Variants in FAM120AOS observed in about 807,000 individuals in gnomAD.
The protein encoded by FAM120AOS is uncharacterized protein FAM120AOS.
A neutral mutation model predicts 20.2 loss-of-function variants in FAM120AOS; 15 were observed. The ratio of observed to expected loss-of-function variants is 0.74; its 90% CI spans 0.50 to 1.15. FAM120AOS has a LOEUF of 1.15. Among genes scored for constraint, FAM120AOS ranks in the 50% most tolerant of loss-of-function variants. The pLI, the probability that FAM120AOS is intolerant of heterozygous loss-of-function variation, is 0.00. For missense variants in FAM120AOS, 327 were observed against 351.9 expected (o/e 0.93, Z 0.57); for synonymous variants, 154 against 154.0 (o/e 1.00, Z 0.00).
intron 2 of FAM120AOS, among the ~76,000 whole-genome samples, chr9:93,450,023 T>C (rs561730540): frequency 1.3e-4 from 20 of 152,258 alleles, no homozygotes; most frequent in Admixed American, 1.1e-3. Flanking sequence ...TCTCGCTTTT[T>C]GCCCAGGCTA....
At position 93,446,022 on chromosome 9, in the gene FAM120AOS, TACC is replaced by T. The variant is rs143093972; in HGVS notation, c.*1586_*1588del. Reference sequence around the variant, plus strand: ...TCCCAGATTGGGCCAACTCTCCTTATACCACCACACCTGGGACCTGGGAGGAAT... The same window carrying T: ...TCCCAGATTGGGCCAACTCTCCTTATACCACACCTGGGACCTGGGAGGAAT... On this transcript the variant is annotated 3_prime_UTR_variant, in exon 3 of 3. Coordinates refer to ENST00000375412, the MANE Select transcript of FAM120AOS (RefSeq NM_198841.4). Among the ~76,000 whole-genome samples, 5,633 of 152,238 alleles carry T rather than the reference TACC, an allele frequency of 0.037. 171 individuals are homozygous for T. Among genetic ancestry groups the T allele is most frequent in the Non-Finnish European group, 0.063 (4,293 of 67,998 alleles).
chr9:93,447,697 TCTG>T lies in FAM120AOS; in HGVS notation c.685-3_685-1del. On this transcript the variant is annotated splice_acceptor_variant and splice_polypyrimidine_tract_variant and intron_variant, in intron 2 of 2. Transcript: ENST00000375412. LOFTEE classifies it high-confidence loss of function. ...TTATTGACAGAACAGCTTCTGGAAATCTGAAAAGAAAAAAAAAAAGGTAGTTTA... is the reference window on the plus strand; with the variant it reads ...TTATTGACAGAACAGCTTCTGGAAATAAAAGAAAAAAAAAAAGGTAGTTTA... 6.2e-7 allele frequency: 1 copy of T among 1,602,132 alleles called. No individual in the cohort carries two copies.
chr9:93,450,742 A>G, intron 1 of FAM120AOS, 143 bp from the exon 2 acceptor site: 1 of 1,282,460 alleles, frequency 7.8e-7, no homozygotes, highest in Non-Finnish European at 1.1e-6. Flanking sequence ...ATATACATAC[A>G]GTATCAACCT....
chr9:93,448,883 A>G (rs1856962752), intron 2 of FAM120AOS, among the ~76,000 whole-genome samples: 1 of 152,022 alleles, frequency 6.6e-6, no homozygotes, highest in Non-Finnish European at 1.5e-5. Flanking sequence ...TCAGCCTCCC[A>G]AAGTGCTGGG....
chr9:93,451,866 C>G (rs985677647), intron 1 of FAM120AOS: 7 of 1,074,658 alleles, frequency 6.5e-6, no homozygotes, highest in Non-Finnish European at 7.9e-6. Context: ...CCACCACCCC[C>G]GGCCCCGCCG....
At chr9:93,449,645 G>A (rs1428837763) in intron 2 of FAM120AOS, among the ~76,000 whole-genome samples, 1 of 151,436 alleles carries the variant, frequency 6.6e-6, no homozygotes, top group Admixed American at 6.6e-5. Flanking sequence ...GCACCACCAC[G>A]CTCGGCTAAT....
intron 1 of FAM120AOS, chr9:93,451,699 G>GGCGGCA: frequency 1.0e-6 from 1 of 978,324 alleles, no homozygotes; most frequent in Non-Finnish European, 1.2e-6. Flanking sequence ...GCCTCGCAGC[G>GGCGGCA]GCGGCAGCGG....
In FAM120AOS at chr9:93,452,397, C is replaced by T. The variant is rs372272292; in HGVS notation, c.313G>A (p.Gly105Ser). The T allele has an allele frequency of 1.0e-5, 16 of 1,599,582 alleles. No individual in the cohort carries two copies. In the African/African-American group the frequency reaches 1.7e-4, roughly 17 times the overall value. The change falls in exon 1 of 3, where the codon GGC becomes AGC. Residue 105 changes from glycine to serine, a missense_variant. Coordinates refer to ENST00000375412, the MANE Select transcript of FAM120AOS (RefSeq NM_198841.4). The surrounding 1 kb of genome is among the most constrained non-coding windows in gnomAD (Gnocchi z 7.0). ...ATCCGCTTCCACGTCAAGGTGAGGC[C>T]GGGGATCCGGGCGGGCCGGGGACCG... The part of the protein sequence containing the change: ...GPGPRPARIP[G>S]LTLTWKRMSA...
intron 2 of FAM120AOS, chr9:93,448,420 G>T: frequency 5.0e-6 from 1 of 199,296 alleles, no homozygotes; most frequent in South Asian, 6.1e-5. Flanking sequence ...TTGAACCTGG[G>T]AGAGGGAGGT....
chr9:93,450,885 G>T, intron 1 of FAM120AOS: 1 of 959,738 alleles, frequency 1.0e-6, no homozygotes, highest in Non-Finnish European at 1.6e-6. Context: ...CTGCAAAGGC[G>T]CACGTTTCAG....
In FAM120AOS at chr9:93,450,570, C is replaced by T; in HGVS notation, c.593G>A (p.Arg198Gln). 6.2e-7 allele frequency: 1 copy of T among 1,606,244 alleles called. No homozygotes were observed. The highest frequency in any genetic ancestry group is 8.5e-7 in the Non-Finnish European group (1 of 1,176,050). ...CAGCAGCTGTCCGGCCACAGCCTGT[C>T]GGTTGCATCCTGCTCCTCTACAGAG... ...RNLCRGAGCN[R>Q]QAVAGQLLPS... is the part of the protein sequence containing the mutation. The change falls in exon 2 of 3, where the codon CGA (arginine) becomes CAA (glutamine). Residue 198 changes from arginine to glutamine, a missense_variant. Arg to Gln is a conservative substitution (Grantham distance 43). Coordinates refer to ENST00000375412, the MANE Select transcript of FAM120AOS (RefSeq NM_198841.4).
chr9:93,450,960 A>C, intron 1 of FAM120AOS: 1 of 1,412,012 alleles, frequency 7.1e-7, no homozygotes, highest in East Asian at 2.5e-5. Flanking sequence ...CTCTCAAGAC[A>C]GTCTCTTCCG....
In FAM120AOS at chr9:93,447,646, G is replaced by A; in HGVS notation, c.736C>T (p.Pro246Ser). 1.2e-6 allele frequency: 2 copies of A among 1,613,884 alleles called. No homozygotes were observed. The highest frequency in any genetic ancestry group is 1.7e-6 in the Non-Finnish European group (2 of 1,179,922). ...CTCAAGAATGATCTTAGTGTTGGTGGTTTTGTGGTTTTCTTTGAGACTTTG... is the reference window on the plus strand; with the variant it reads ...CTCAAGAATGATCTTAGTGTTGGTGATTTTGTGGTTTTCTTTGAGACTTTG... ...NNKVSKKTTKPPTLRSFLSPI is the reference protein window; with the variant it reads ...NNKVSKKTTKSPTLRSFLSPI Residue 246 changes from proline to serine, a missense_variant, in exon 3 of 3, where the codon CCA becomes TCA. Physicochemically the swap from Pro to Ser is moderately conservative, Grantham distance 74. Coordinates refer to ENST00000375412, the MANE Select transcript of FAM120AOS (RefSeq NM_198841.4).
rs1339093940 is a variant in FAM120AOS at position 93,452,244 on chromosome 9, A to G, written c.466T>C (p.Leu156=). The change falls in exon 1 of 3, where the codon TTG becomes CTG. Residue 156 remains leucine, a synonymous_variant. Transcript: ENST00000375412. This position sits in a 1 kb window ranked among gnomAD's most constrained non-coding sequence, Gnocchi z 7.0. Reference sequence around the variant, plus strand: ...AAGGCCCGGCTGCACGAGTGGGTCAAGCGGCAGGGCAACGAGCGCCAGACG... The same window carrying G: ...AAGGCCCGGCTGCACGAGTGGGTCAGGCGGCAGGGCAACGAGCGCCAGACG... The part of the protein sequence containing the change: ...CAVWRSLPCR[L]THSCSRAFSS... 6.2e-7 allele frequency: 1 copy of G among 1,611,128 alleles called. No homozygotes were observed. The highest frequency in any genetic ancestry group is 1.3e-5 in the African/African-American group (1 of 75,000).
rs1029663373 is a variant in FAM120AOS, at chr9:93,451,773, G to T, written c.563+374C>A. ...GGCGGCAGCACATGGCGGCCGCGGC[G>T]GCCATGAGCGCGCCCCCGACCCGCC... is the stretch of plus-strand genomic sequence containing the variant. On this transcript the variant is annotated intron_variant, in intron 1 of 2. Coordinates refer to ENST00000375412, the MANE Select transcript of FAM120AOS (RefSeq NM_198841.4). 5.1e-6 allele frequency: 5 copies of T among 980,112 alleles called. No homozygotes were observed. In the African/African-American group the frequency reaches 8.9e-5, roughly 18 times the overall value. 60.7% of individuals were successfully genotyped at this position (980,112 alleles called of 1,614,324 possible). A position where few individuals can be genotyped will look rare whatever the true frequency, so the allele number is the denominator to read the frequency against.
At chr9:93,448,704 G>C (rs902242819) in intron 2 of FAM120AOS, among the ~76,000 whole-genome samples, 1 of 151,900 alleles carries the variant, frequency 6.6e-6, no homozygotes, top group Non-Finnish European at 1.5e-5. Context: ...TGCAAGCTCC[G>C]CCTCCTGGGT....
In FAM120AOS at chr9:93,446,052, G is replaced by A. The variant is rs896092083; in HGVS notation, c.*1559C>T. Among the ~76,000 whole-genome samples, 1 of 152,236 alleles carries A rather than the reference G, an allele frequency of 6.6e-6. No homozygotes were observed. Among genetic ancestry groups the A allele is most frequent in the Admixed American group, 6.5e-5 (1 of 15,294 alleles). ...CCACACCTGGGACCTGGGAGGAATG[G>A]GGAAGGGGACTTTATAGGGCAGAGC... On this transcript the variant is annotated 3_prime_UTR_variant, in exon 3 of 3. Transcript: ENST00000375412.
intron 1 of FAM120AOS, 135 bp from the exon 2 acceptor site, chr9:93,450,734 A>G: frequency 7.4e-7 from 1 of 1,352,518 alleles, no homozygotes; most frequent in Non-Finnish European, 1.0e-6. Flanking sequence ...CAAGCCTAAT[A>G]TACATACAGT....
Position 93,452,427 on chromosome 9 carries a change from C to A in FAM120AOS, c.283G>T (p.Gly95Cys). 6.4e-7 allele frequency: 1 copy of A among 1,572,790 alleles called. No homozygotes were observed. Among genetic ancestry groups the A allele is most frequent in the East Asian group, 2.3e-5 (1 of 42,780 alleles). Residue 95 changes from glycine (G) to cysteine (C), a missense_variant, in exon 1 of 3, where the codon GGC becomes TGC. Physicochemically the swap from Gly to Cys is radical, Grantham distance 159 (BLOSUM62 -3). Coordinates refer to ENST00000375412, the MANE Select transcript of FAM120AOS (RefSeq NM_198841.4). This position sits in a 1 kb window ranked among gnomAD's most constrained non-coding sequence, Gnocchi z 7.0. ...ALGRGIGVRR[G>C]PGPRPARIPG... The stretch of plus-strand genomic sequence containing the variant: ...ATCCGGGCGGGCCGGGGACCGGGGC[C>A]GCGCCGCACCCCTATCCCCCTTCCC...
Sources: gnomAD v4.1 joint callset for allele counts (sites outside exome capture counted in the v4.1 genomes callset) on GRCh38, gnomAD v4.1.1 for gene constraint, Gnocchi (gnomAD v3.1) non-coding constraint, MANE v1.5 for transcripts, NCBI Gene and HGNC (gene_info 2026-07-23, HGNC 2026-07-21) for gene names.